The following GAB2 variants were observed in gnomAD, a reference collection of about 807,000 sequenced individuals.
GAB2 encodes GRB2 associated binding protein 2.
GAB2 carries 26 observed loss-of-function variants against 65.5 expected under a neutral mutation model. The observed-to-expected ratio is 0.40, with a 90% CI of 0.29 to 0.55. The LOEUF (loss-of-function observed/expected upper bound fraction) is 0.55. Among genes scored for constraint, GAB2 ranks in the 20% least tolerant of loss-of-function variants. The pLI is 0.53. For missense variants in GAB2, 884 were observed against 875.8 expected, an observed-to-expected ratio of 1.01 and a Z score of -0.12; for synonymous variants, 321 against 329.6, an observed-to-expected ratio of 0.97 and a Z score of 0.28.
chr11:78,266,706 G>C (rs996635426), intron 2 of GAB2, among the ~76,000 whole-genome samples: 2 of 152,186 alleles, frequency 1.3e-5, no homozygotes, highest in African/African-American at 4.8e-5. Context: ...CTTAGAAGCA[G>C]ACATAGAGGA....
chr11:78,271,414 A>G (rs953624462), intron 2 of GAB2, among the ~76,000 whole-genome samples: 35 of 152,262 alleles, frequency 2.3e-4, no homozygotes, highest in African/African-American at 8.4e-4. Context: ...TCCTTCTAGA[A>G]CATCATTCCT....
chr11:78,253,121 C>T (rs145892337), intron 2 of GAB2, among the ~76,000 whole-genome samples: 46 of 149,772 alleles, frequency 3.1e-4, no homozygotes, highest in African/African-American at 9.9e-4. Flanking sequence ...AGTGATACTC[C>T]GGCCTCAGCC....
At chr11:78,402,020 C>T (rs1210907221) in intron 1 of GAB2, among the ~76,000 whole-genome samples, 4 of 152,184 alleles carry the variant, frequency 2.6e-5, no homozygotes, top group African/African-American at 7.2e-5. Flanking sequence ...GGATGGTCTA[C>T]AAACAAGTCT....
intron 5 of GAB2, among the ~76,000 whole-genome samples, chr11:78,224,225 G>A (rs1446407832): frequency 6.6e-6 from 1 of 152,130 alleles, no homozygotes; most frequent in East Asian, 1.9e-4. Flanking sequence ...TGGTGACTGG[G>A]TCCACTTGGC....
intron 1 of GAB2, among the ~76,000 whole-genome samples, chr11:78,312,185 TAAA>T (rs11447471): frequency 2.9e-5 from 4 of 138,042 alleles, no homozygotes; most frequent in African/African-American, 5.3e-5. Flanking sequence ...CTGTGGAGTT[TAAA>T]AAAAAAAAAA....
chr11:78,266,235 A>AAAT (rs1865871141), intron 2 of GAB2, among the ~76,000 whole-genome samples: 1 of 151,342 alleles, frequency 6.6e-6, no homozygotes, highest in Non-Finnish European at 1.5e-5. Context: ...AAAAAAAAAA[A>AAAT]AAATCATGTG....
intron 2 of GAB2, among the ~76,000 whole-genome samples, chr11:78,278,685 C>G (rs1177700287): frequency 2.6e-5 from 4 of 150,970 alleles, no homozygotes; most frequent in Non-Finnish European, 5.9e-5. Flanking sequence ...AGCTCCCTGG[C>G]CTTTTAATTC....
chr11:78,314,925 C>T (rs940576738), intron 1 of GAB2, among the ~76,000 whole-genome samples: 6 of 152,158 alleles, frequency 3.9e-5, no homozygotes, highest in East Asian at 1.9e-4. Context: ...ATAAAATGAA[C>T]GTGGTCTGTA....
At chr11:78,354,013 T>C (rs1856319816) in intron 1 of GAB2, among the ~76,000 whole-genome samples, 1 of 152,208 alleles carries the variant, frequency 6.6e-6, no homozygotes, top group Non-Finnish European at 1.5e-5. Context: ...GAATTTGCAT[T>C]TCTCAGGGGA....
intron 1 of GAB2, among the ~76,000 whole-genome samples, chr11:78,370,725 A>ATATGTGTG (rs1554995540): frequency 0.017 from 2,507 of 148,884 alleles, 61 homozygotes; most frequent in African/African-American, 0.059. Context: ...GTGTGTGTGT[A>ATATGTGTG]TGTGTGTGTG....
At chr11:78,277,712 C>T (rs577377865) in intron 2 of GAB2, among the ~76,000 whole-genome samples, 6 of 152,308 alleles carry the variant, frequency 3.9e-5, no homozygotes, top group Non-Finnish European at 8.8e-5. Context: ...ATGCAGATAG[C>T]CCTCTCCAAG....
At chr11:78,233,231 C>T (rs1381501205) in intron 3 of GAB2, among the ~76,000 whole-genome samples, 3 of 152,010 alleles carry the variant, frequency 2.0e-5, no homozygotes, top group East Asian at 1.9e-4. Flanking sequence ...GATGGGGTGT[C>T]GCCATGTTGC....
At chr11:78,277,410 C>A (rs897911102) in intron 2 of GAB2, among the ~76,000 whole-genome samples, 3 of 152,132 alleles carry the variant, frequency 2.0e-5, no homozygotes, top group Middle Eastern at 3.2e-3. Context: ...GAGAGTCAGG[C>A]GGTTAAACTC....
At chr11:78,402,235 T>G (rs1353745545) in intron 1 of GAB2, among the ~76,000 whole-genome samples, 2 of 152,046 alleles carry the variant, frequency 1.3e-5, no homozygotes, top group East Asian at 1.9e-4. Flanking sequence ...TCCCTCTACC[T>G]GAAAAACCTT....
intron 1 of GAB2, among the ~76,000 whole-genome samples, chr11:78,377,483 T>G (rs1252996147): frequency 6.6e-6 from 1 of 152,180 alleles, no homozygotes; most frequent in Non-Finnish European, 1.5e-5. Flanking sequence ...GGATCAGAAT[T>G]TCAATACATG....
chr11:78,225,086 C>G (rs773504709), intron 5 of GAB2, 22 bp downstream of exon 5: 1 of 1,540,274 alleles, frequency 6.5e-7, no homozygotes, highest in African/African-American at 1.4e-5. Flanking sequence ...GCCTGAGGAC[C>G]CTTGGGTTAA....
chr11:78,216,430 A>T lies in GAB2; in HGVS notation c.*2842T>A, dbSNP rs1864150754. ...ACTGAGTTGACTCCTTTGTTGGAGG[A>T]GGTAGTGGGTGGAGGGTGGGGATAT... On this transcript the variant is annotated 3_prime_UTR_variant, in exon 10 of 10. Transcript: ENST00000361507. The T allele has an allele frequency of 6.6e-6, 1 of 151,986 alleles. No individual in the cohort carries two copies. 9.4% of individuals were successfully genotyped at this position (151,986 alleles called of 1,614,324 possible). A position where few individuals can be genotyped will look rare whatever the true frequency, so the allele number is the denominator to read the frequency against.
intron 3 of GAB2, among the ~76,000 whole-genome samples, chr11:78,231,157 C>T (rs1209545940): frequency 6.6e-6 from 1 of 152,172 alleles, no homozygotes; most frequent in Non-Finnish European, 1.5e-5. Context: ...GGAAGATACT[C>T]AAACACAAGC....
At chr11:78,415,584 T>C (rs1464109402) in intron 1 of GAB2, among the ~76,000 whole-genome samples, 1 of 152,204 alleles carries the variant, frequency 6.6e-6, no homozygotes, top group Non-Finnish European at 1.5e-5. Context: ...GTCATGTAAG[T>C]GAACACATCA....
Sources: gnomAD v4.1 joint callset for allele counts (sites outside exome capture counted in the v4.1 genomes callset) on GRCh38, gnomAD v4.1.1 for gene constraint, MANE v1.5 for transcripts, NCBI Gene and HGNC (gene_info 2026-07-23, HGNC 2026-07-21) for gene names.